USP37: variants seen among roughly 807,000 people sequenced by gnomAD.
USP37 encodes the protein ubiquitin specific peptidase 37.
USP37 carries 27 observed loss-of-function variants against 124.0 expected under a neutral mutation model. That is an observed-to-expected ratio of 0.22 (90% CI 0.16 to 0.30). USP37 has a LOEUF of 0.30. Ranked by LOEUF, USP37 falls within the 10% of genes least tolerant of loss-of-function variation. The probability of loss-of-function intolerance (pLI) is 1.00; values close to 1 mark genes in which losing one functional copy is unlikely to be tolerated. For missense variants in USP37, 889 were observed against 1,140.4 expected, an observed-to-expected ratio of 0.78 and a Z score of 3.17; for synonymous variants, 365 against 388.0, an observed-to-expected ratio of 0.94 and a Z score of 0.70.
At chr2:218,490,017 G>T (rs1039136222) in intron 14 of USP37, among the ~76,000 whole-genome samples, 1 of 152,138 alleles carries the variant, frequency 6.6e-6, no homozygotes, top group Non-Finnish European at 1.5e-5. Context: ...CATTTAGGTT[G>T]TTTCCAGTTG....
intron 4 of USP37, among the ~76,000 whole-genome samples, chr2:218,554,923 A>G (rs1318895854): frequency 6.6e-6 from 1 of 152,230 alleles, no homozygotes; most frequent in Non-Finnish European, 1.5e-5. Context: ...CTTTACCAAT[A>G]TAGCACACTT....
At chr2:218,478,427 CAGGGTAAATTT>C (rs1268610128) in intron 18 of USP37, among the ~76,000 whole-genome samples, 5 of 152,106 alleles carry the variant, frequency 3.3e-5, no homozygotes, top group Non-Finnish European at 7.4e-5. Flanking sequence ...ACCATTGCAC[CAGGGTAAATTT>C]GTGACAAAGG....
chr2:218,527,299 A>T (rs1691034459), intron 10 of USP37, among the ~76,000 whole-genome samples: 1 of 152,188 alleles, frequency 6.6e-6, no homozygotes, highest in Admixed American at 6.5e-5. Context: ...AAAGCAGCAT[A>T]TTTACAGTTC....
intron 15 of USP37, among the ~76,000 whole-genome samples, chr2:218,486,826 C>T (rs1333662369): frequency 2.0e-5 from 3 of 151,854 alleles, no homozygotes; most frequent in Non-Finnish European, 2.9e-5. Context: ...CCCAGGTTCA[C>T]GCCATTCTCC....
At chr2:218,513,502 C>T (rs1325971700) in intron 10 of USP37, among the ~76,000 whole-genome samples, 1 of 152,150 alleles carries the variant, frequency 6.6e-6, no homozygotes, top group Admixed American at 6.5e-5. Context: ...GTGAACATAT[C>T]TATTACTCCC....
chr2:218,481,664 A>ATTTCT lies in USP37; in HGVS notation c.1835+401_1835+405dup, dbSNP rs749073946. Among the ~76,000 whole-genome samples, 26 of 148,556 alleles carry ATTTCT rather than the reference A, an allele frequency of 1.8e-4. No homozygotes were observed. In the East Asian group the frequency reaches 3.0e-3, roughly 17 times the overall value. Reference sequence around the variant, plus strand: ...AAATTAAAATCTCCTTCTTGGTCTGATTTCTTTTCTTTTCTTTTCTTTTTT... The same window carrying ATTTCT: ...AAATTAAAATCTCCTTCTTGGTCTGATTTCTTTTCTTTTCTTTTCTTTTCTTTTTT... On this transcript the variant is annotated intron_variant, in intron 17 of 25. Coordinates refer to ENST00000258399, the MANE Select transcript of USP37 (RefSeq NM_020935.3).
chr2:218,498,255 G>T (rs1410543300), intron 11 of USP37, 98 bp from the exon 12 acceptor site: 3 of 1,310,084 alleles, frequency 2.3e-6, no homozygotes, highest in African/African-American at 1.5e-5. Flanking sequence ...AGAATCACCT[G>T]GAGGGCTTGT....
At chr2:218,535,939 C>A (rs757910643) in intron 8 of USP37, among the ~76,000 whole-genome samples, 2 of 146,786 alleles carry the variant, frequency 1.4e-5, no homozygotes, top group Non-Finnish European at 3.0e-5. Flanking sequence ...ATTGCTTGAA[C>A]CCAGAGGCAG....
chr2:218,498,259 G>T, intron 11 of USP37, 102 bp from the exon 12 acceptor site: 1 of 1,286,202 alleles, frequency 7.8e-7, no homozygotes, highest in Non-Finnish European at 1.0e-6. Context: ...TCACCTGGAG[G>T]GCTTGTTAAA....
Position 218,463,455 on chromosome 2 carries a change from T to A in USP37, c.2467-89A>T, listed in dbSNP as rs1690137252. 11 of 1,197,182 alleles carry A rather than the reference T, an allele frequency of 9.2e-6. 2 individuals are homozygous for A. The South Asian group carries it at 1.4e-4, about 15-fold the overall frequency. The allele number at this position is 1,197,182 out of a possible 1,614,324, so 74.2% of individuals were successfully genotyped here. A position where few individuals can be genotyped will look rare whatever the true frequency, so the allele number is the denominator to read the frequency against. ...GATAAAATCAGTTTCTCTGGAAGCA[T>A]TTGCTAAGAATGCTTTCTATAACCT... On this transcript the variant is annotated intron_variant, in intron 21 of 25. Transcript: ENST00000258399.
chr2:218,488,256 CAAT>C, intron 15 of USP37, 45 bp downstream of exon 15: 2 of 1,166,008 alleles, frequency 1.7e-6, no homozygotes, highest in Non-Finnish European at 2.4e-6. Context: ...ATACAACTAT[CAAT>C]GATATAAAAT....
intron 8 of USP37, among the ~76,000 whole-genome samples, chr2:218,539,566 T>C (rs994125640): frequency 6.6e-6 from 1 of 151,504 alleles, no homozygotes; most frequent in Non-Finnish European, 1.5e-5. Flanking sequence ...AATACAAAAA[T>C]TAGCTAGGCA....
Position 218,485,659 on chromosome 2 carries a change from A to T in USP37, c.1670+5T>A, listed in dbSNP as rs74744377. The T allele has an allele frequency of 1.9e-6, 3 of 1,539,846 alleles. No homozygotes were observed. The highest frequency in any genetic ancestry group is 2.2e-5 in the Admixed American group (1 of 45,580). The stretch of plus-strand genomic sequence containing the variant: ...GCAAAAAAAAAAAAAAAAAAAAAAA[A>T]TTACCTAGGAAGCCTGTTAAATTTG... On this transcript the variant is annotated splice_donor_5th_base_variant and intron_variant, in intron 16 of 25. Transcript: ENST00000258399.
chr2:218,463,591 A>T (rs545350084), intron 21 of USP37, among the ~76,000 whole-genome samples: 1 of 133,612 alleles, frequency 7.5e-6, no homozygotes, highest in Non-Finnish European at 1.5e-5. Context: ...GCTGGAGTGC[A>T]GTGGTGTGAT....
intron 19 of USP37, among the ~76,000 whole-genome samples, 198 bp from the exon 20 acceptor site, chr2:218,475,083 T>C (rs1258755756): frequency 6.6e-6 from 1 of 152,170 alleles, no homozygotes; most frequent in Non-Finnish European, 1.5e-5. Flanking sequence ...GAATACATTA[T>C]TTTTTCTTGA....
rs58650311 is a variant in USP37 at position 218,528,803 on chromosome 2, G to GAAAAAAAAAAA, written c.863+1142_863+1152dup. On this transcript the variant is annotated intron_variant, in intron 10 of 25. Transcript: ENST00000258399. ...TTATGTATTTATACCCAATAAATCT[G>GAAAAAAAAAAA]AAAAAAAAAAAAAAAAAAAAAAAAA... 7 of 29,706 alleles carry GAAAAAAAAAAA rather than the reference G, an allele frequency of 2.4e-4. 2 individuals are homozygous for GAAAAAAAAAAA. The highest frequency in any genetic ancestry group is 3.6e-4 in the Non-Finnish European group (5 of 13,892). 1.8% of individuals were successfully genotyped at this position (29,706 alleles called of 1,614,324 possible).
chr2:218,500,041 T>C (rs1168902801), intron 11 of USP37, among the ~76,000 whole-genome samples: 1 of 152,150 alleles, frequency 6.6e-6, no homozygotes, highest in Admixed American at 6.5e-5. Flanking sequence ...AGTGTTGGGA[T>C]TACAGGCGTG....
intron 11 of USP37, among the ~76,000 whole-genome samples, chr2:218,503,979 G>A (rs1195179767): frequency 2.6e-5 from 4 of 152,034 alleles, no homozygotes; most frequent in Non-Finnish European, 5.9e-5. Flanking sequence ...ATAAAAATGT[G>A]GAGTCACTAT....
At chr2:218,560,005 A>G (rs1373793239) in intron 3 of USP37, among the ~76,000 whole-genome samples, 1 of 152,104 alleles carries the variant, frequency 6.6e-6, no homozygotes, top group Non-Finnish European at 1.5e-5. Context: ...ACAAAAAAAA[A>G]ACACAAAAAA....
Sources: gnomAD v4.1 joint callset for allele counts (sites outside exome capture counted in the v4.1 genomes callset) on GRCh38, gnomAD v4.1.1 for gene constraint, MANE v1.5 for transcripts, NCBI Gene and HGNC (gene_info 2026-07-23, HGNC 2026-07-21) for gene names.